Variants in ELP4 observed in about 807,000 individuals in gnomAD.
ELP4 encodes elongator acetyltransferase complex subunit 4, also known as elongator complex protein 4.
Under a neutral mutation model 48.9 loss-of-function variants are expected in ELP4, and 51 were observed. That is an observed-to-expected ratio of 1.04 (90% CI 0.83 to 1.32). ELP4 has a LOEUF of 1.32. Ranked by LOEUF, ELP4 falls within the 40% of genes most tolerant of loss-of-function variation. ELP4 has a pLI of 0.00. For synonymous variants in ELP4, 210 were observed against 189.2 expected, an observed-to-expected ratio of 1.11 and a Z score of -0.90; for missense variants, 519 against 514.6, an observed-to-expected ratio of 1.01 and a Z score of -0.08.
intron 1 of ELP4, among the ~76,000 whole-genome samples, chr11:31,516,711 C>T (rs773291111): frequency 3.3e-5 from 5 of 152,172 alleles, no homozygotes; most frequent in Non-Finnish European, 5.9e-5. Context: ...AGGCTTGTCT[C>T]AAACTCTTGA....
intron 9 of ELP4, among the ~76,000 whole-genome samples, chr11:31,711,607 A>G (rs1247506793): frequency 2.6e-5 from 4 of 152,066 alleles, no homozygotes; most frequent in Non-Finnish European, 5.9e-5. Flanking sequence ...AATATTATAT[A>G]TTTTTCTTTT....
intron 5 of ELP4, among the ~76,000 whole-genome samples, chr11:31,619,457 TCCAAGATAAGGGTG>T (rs924181722): frequency 1.3e-5 from 2 of 151,992 alleles, no homozygotes; most frequent in Non-Finnish European, 2.9e-5. Context: ...GCTGTGAAGT[TCCAAGATAAGGGTG>T]CCAGCATAGT....
intron 3 of ELP4, among the ~76,000 whole-genome samples, chr11:31,560,701 T>TAAAACAACGTTGTTTTATATATATAC (rs1565053686): frequency 8.1e-5 from 12 of 147,530 alleles, no homozygotes; most frequent in Non-Finnish European, 1.2e-4. Flanking sequence ...TATATATATA[T>TAAAACAACGTTGTTTTATATATATAC]AAAACAACGT....
intron 9 of ELP4, among the ~76,000 whole-genome samples, chr11:31,734,400 A>G (rs1166305621): frequency 2.6e-5 from 4 of 152,206 alleles, no homozygotes; most frequent in Non-Finnish European, 5.9e-5. Context: ...AGGCATCCAT[A>G]TCAGAAAGGA....
At chr11:31,597,258 A>G (rs1240035488) in intron 4 of ELP4, among the ~76,000 whole-genome samples, 1 of 152,224 alleles carries the variant, frequency 6.6e-6, no homozygotes. Context: ...GCAACTAGCT[A>G]AATAAATTAT....
chr11:31,634,394 A>G (rs1944928421), intron 7 of ELP4: 1 of 152,110 alleles, frequency 6.6e-6, no homozygotes, highest in Admixed American at 6.6e-5. Context: ...AGCAAAGAAA[A>G]ACAATCATGA....
chr11:31,642,969 T>C (rs1332540719), intron 7 of ELP4, among the ~76,000 whole-genome samples: 1 of 151,828 alleles, frequency 6.6e-6, no homozygotes. Context: ...ATATTTATCC[T>C]TGGATCCAAG....
At chr11:31,709,093 T>C (rs1301201532) in intron 9 of ELP4, among the ~76,000 whole-genome samples, 3 of 152,154 alleles carry the variant, frequency 2.0e-5, no homozygotes, top group East Asian at 3.8e-4. Context: ...GATCTATACA[T>C]CCTGTCATTG....
At chr11:31,542,572 T>C (rs1956610279) in intron 3 of ELP4, among the ~76,000 whole-genome samples, 1 of 152,206 alleles carries the variant, frequency 6.6e-6, no homozygotes, top group African/African-American at 2.4e-5. Flanking sequence ...GAGTTTTGCA[T>C]TGGTAAAGAG....
At chr11:31,532,847 T>G (rs1480462242) in intron 2 of ELP4, among the ~76,000 whole-genome samples, 2 of 149,716 alleles carry the variant, frequency 1.3e-5, no homozygotes, top group Non-Finnish European at 3.0e-5. Context: ...TCTCGGCTCA[T>G]TGTAACCTCT....
intron 3 of ELP4, among the ~76,000 whole-genome samples, chr11:31,542,276 G>C (rs1330089192): frequency 6.6e-6 from 1 of 152,176 alleles, no homozygotes; most frequent in Non-Finnish European, 1.5e-5. Flanking sequence ...AGGAGACACA[G>C]CTAGGATCAC....
At chr11:31,685,842 A>G (rs1247223695) in intron 9 of ELP4, among the ~76,000 whole-genome samples, 1 of 151,882 alleles carries the variant, frequency 6.6e-6, no homozygotes, top group Non-Finnish European at 1.5e-5. Context: ...GAGGCAGGAG[A>G]ATCACTTCAA....
chr11:31,613,628 C>A (rs927179474), intron 5 of ELP4, among the ~76,000 whole-genome samples: 5 of 151,568 alleles, frequency 3.3e-5, no homozygotes, highest in African/African-American at 1.2e-4. Flanking sequence ...ACAATATTTG[C>A]CTCTGGGTGG....
At chr11:31,625,023 T>C (rs1254336217) in intron 5 of ELP4, among the ~76,000 whole-genome samples, 4 of 145,416 alleles carry the variant, frequency 2.8e-5, no homozygotes, top group South Asian at 2.2e-4. Flanking sequence ...TATTGTTAGC[T>C]TTTTTTTTTT....
chr11:31,539,416 G>A (rs1437778957), intron 2 of ELP4, among the ~76,000 whole-genome samples: 1 of 152,104 alleles, frequency 6.6e-6, no homozygotes, highest in African/African-American at 2.4e-5. Context: ...TTGCGCCACT[G>A]CACCTCCAGC....
chr11:31,681,342 G>A (rs1368808513), intron 9 of ELP4, among the ~76,000 whole-genome samples: 3 of 152,170 alleles, frequency 2.0e-5, no homozygotes, highest in Admixed American at 6.5e-5. Flanking sequence ...GCATCATACC[G>A]TATAGAATTG....
intron 9 of ELP4, among the ~76,000 whole-genome samples, chr11:31,658,687 A>G (rs891800705): frequency 6.6e-6 from 1 of 151,950 alleles, no homozygotes; most frequent in African/African-American, 2.4e-5. Flanking sequence ...GCTTATAGCT[A>G]ATCAACCTGT....
At chr11:31,759,070 A>G (rs1446073199) in intron 9 of ELP4, among the ~76,000 whole-genome samples, 1 of 152,196 alleles carries the variant, frequency 6.6e-6, no homozygotes, top group Non-Finnish European at 1.5e-5. Context: ...AAAATTAACA[A>G]AATTGCTTAA....
intron 9 of ELP4, among the ~76,000 whole-genome samples, chr11:31,716,107 G>A (rs1946837490): frequency 1.3e-5 from 2 of 152,078 alleles, no homozygotes; most frequent in Admixed American, 6.6e-5. Context: ...TCAAATTCCT[G>A]GGTTGTAAAC....
Sources: allele counts gnomAD v4.1 joint callset (sites outside exome capture counted in the v4.1 genomes callset), GRCh38; gene constraint gnomAD v4.1.1; transcripts MANE v1.5; gene names NCBI Gene and HGNC (gene_info 2026-07-23, HGNC 2026-07-21).